STRN3: variants seen among roughly 807,000 people sequenced by gnomAD.
STRN3 encodes striatin-3.
STRN3 carries 29 observed loss-of-function variants against 95.6 expected under a neutral mutation model. The ratio of observed to expected loss-of-function variants is 0.30; its 90% confidence interval spans 0.23 to 0.41. STRN3 has a LOEUF of 0.41. Ranked by LOEUF, STRN3 falls within the 10% of genes least tolerant of loss-of-function variation. The pLI is 1.00. For missense variants in STRN3, 890 were observed against 972.1 expected, an observed-to-expected ratio of 0.92 and a Z score of 1.12; for synonymous variants, 331 against 357.6, an observed-to-expected ratio of 0.93 and a Z score of 0.84.
intron 3 of STRN3, among the ~76,000 whole-genome samples, chr14:30,952,753 T>C (rs555344527): frequency 6.6e-6 from 1 of 152,320 alleles, no homozygotes; most frequent in East Asian, 1.9e-4. Context: ...GCATTTCTTT[T>C]ATTTCCAGAA....
intron 9 of STRN3, among the ~76,000 whole-genome samples, chr14:30,916,511 G>A (rs530106332): frequency 7.9e-5 from 12 of 152,146 alleles, no homozygotes; most frequent in South Asian, 4.1e-4. Context: ...TCCTGACCTC[G>A]TGATCCACCA....
intron 5 of STRN3, among the ~76,000 whole-genome samples, chr14:30,944,525 AC>A (rs1228845549): frequency 7.0e-6 from 1 of 143,110 alleles, no homozygotes; most frequent in Admixed American, 7.1e-5. Flanking sequence ...CATAATATAT[AC>A]ACATATATAT....
rs570445323 is a variant in STRN3, at chr14:30,909,074, GAATGTTTGA to G, written c.1720+1958_1720+1966del. Among the ~76,000 whole-genome samples the G allele has an allele frequency of 1.9e-3, 294 of 152,318 alleles. 2 individuals carry two copies. The highest frequency in any genetic ancestry group is 7.0e-3 in the African/African-American group (289 of 41,570). On this transcript the variant is annotated intron_variant, in intron 13 of 17. Transcript: ENST00000357479. ...CACATCAAACAGGACTGAATGTTCTGAATGTTTGAAATGTTCTGAAATTAGTGATGATGG... is the reference window on the plus strand; with the variant it reads ...CACATCAAACAGGACTGAATGTTCTGAATGTTCTGAAATTAGTGATGATGG...
chr14:30,919,809 T>G (rs1366544665), intron 8 of STRN3, among the ~76,000 whole-genome samples: 2 of 152,300 alleles, frequency 1.3e-5, no homozygotes, highest in South Asian at 2.1e-4. Context: ...GGCTGTTGCC[T>G]GGATAATTCA....
intron 16 of STRN3, among the ~76,000 whole-genome samples, chr14:30,902,171 C>CAAAAAAAAAAAAAA (rs71112350): frequency 7.5e-5 from 3 of 39,802 alleles, no homozygotes; most frequent in African/African-American, 1.0e-4. Context: ...AACTCCGCCT[C>CAAAAAAAAAAAAAA]AAAAAAAAAA....
intron 1 of STRN3, among the ~76,000 whole-genome samples, chr14:30,969,270 CT>C (rs1880704396): frequency 6.6e-6 from 1 of 152,062 alleles, no homozygotes; most frequent in Non-Finnish European, 1.5e-5. Context: ...ACCATCTCTA[CT>C]AAAAATATAA....
chr14:30,973,906 A>AT (rs1880960759), intron 1 of STRN3, among the ~76,000 whole-genome samples: 1 of 152,244 alleles, frequency 6.6e-6, no homozygotes, highest in Admixed American at 6.5e-5. Flanking sequence ...ACTGGACAGA[A>AT]TTCAACACCC....
At chr14:30,985,735 T>C (rs1159290894) in intron 1 of STRN3, among the ~76,000 whole-genome samples, 7 of 152,236 alleles carry the variant, frequency 4.6e-5, no homozygotes, top group Admixed American at 4.6e-4. Flanking sequence ...GTTTGACTTA[T>C]GTTTATAGTT....
chr14:30,895,459 T>C lies in STRN3; in HGVS notation c.2346A>G (p.Ala782=). 1.2e-6 allele frequency: 2 copies of C among 1,613,972 alleles called. No individual in the cohort carries two copies. Among genetic ancestry groups the C allele is most frequent in the Non-Finnish European group, 1.7e-6 (2 of 1,179,958 alleles). The part of the protein sequence containing the change: ...IYDVAFHSSK[A]YIASAGADAL... ...CATCAGCTCCTGCACTAGCTATATA[T>C]GCTTTTGACGAGTGGAAAGCAACAT... The change falls in exon 18 of 18, where the codon GCA becomes GCG. Residue 782 remains alanine, a synonymous_variant. Transcript: ENST00000357479.
At chr14:31,003,714 T>C (rs964073842) in intron 1 of STRN3, among the ~76,000 whole-genome samples, 1 of 151,822 alleles carries the variant, frequency 6.6e-6, no homozygotes, top group Non-Finnish European at 1.5e-5. Context: ...AAAACCTTTT[T>C]TCTTTGTAAG....
chr14:31,009,644 T>C (rs1293166165), intron 1 of STRN3, among the ~76,000 whole-genome samples: 1 of 151,092 alleles, frequency 6.6e-6, no homozygotes, highest in Non-Finnish European at 1.5e-5. Flanking sequence ...TTAATTTTCA[T>C]ATAAATGTAT....
chr14:30,911,969 T>C (rs776699710), intron 11 of STRN3, 38 bp downstream of exon 11: 6 of 1,586,956 alleles, frequency 3.8e-6, no homozygotes, highest in South Asian at 2.3e-5. Context: ...ATTAGCAAAA[T>C]TGGAAGAAAT....
At position 30,895,732 on chromosome 14, in the gene STRN3, A is replaced by G. The variant is rs546189069; in HGVS notation, c.2154T>C (p.Ser718=). The G allele has an allele frequency of 1.2e-6, 2 of 1,613,092 alleles. No individual in the cohort carries two copies. Among genetic ancestry groups the G allele is most frequent in the South Asian group, 1.1e-5 (1 of 90,684 alleles). Reference sequence around the variant, plus strand: ...TAACAGCATCCAAGTGAGCTACCATAGAATGGATCATTTTACCTAAACAAA... The same window carrying G: ...TAACAGCATCCAAGTGAGCTACCATGGAATGGATCATTTTACCTAAACAAA... ...FDNKTGKMIH[S]MVAHLDAVTS... The change falls in exon 17 of 18, where the codon TCT becomes TCC. Residue 718 remains serine (S), a synonymous_variant. Transcript: ENST00000357479.
At chr14:30,903,557 C>A (rs1594412889) in intron 15 of STRN3, among the ~76,000 whole-genome samples, 1 of 152,066 alleles carries the variant, frequency 6.6e-6, no homozygotes, top group Non-Finnish European at 1.5e-5. Context: ...CATCACCATG[C>A]CCACCTAATT....
At chr14:30,999,234 T>TG (rs34912840) in intron 1 of STRN3, among the ~76,000 whole-genome samples, 5,063 of 152,094 alleles carry the variant, frequency 0.033, 295 homozygotes, top group African/African-American at 0.12. Context: ...TTTGTGGAGA[T>TG]GGGGGGTCTC....
chr14:30,894,906 TTTA>T lies in STRN3; in HGVS notation c.*502_*504del. The T allele has an allele frequency of 9.2e-7, 1 of 1,081,478 alleles. No individual in the cohort carries two copies. The highest frequency in any genetic ancestry group is 1.2e-6 in the Non-Finnish European group (1 of 840,784). The allele number at this position is 1,081,478 out of a possible 1,614,324, so 67.0% of individuals were successfully genotyped here. The stretch of plus-strand genomic sequence containing the variant: ...AATTTTCTTTTTCTTTTTTTTTTTT[TTTA>T]AAGCAAAATAAGTTTAAAAGGGAAT... On this transcript the variant is annotated 3_prime_UTR_variant, in exon 18 of 18. Coordinates refer to ENST00000357479, the MANE Select transcript of STRN3 (RefSeq NM_001083893.2).
intron 13 of STRN3, among the ~76,000 whole-genome samples, chr14:30,910,569 CCTTT>C (rs1394430999): frequency 2.6e-5 from 4 of 151,376 alleles, no homozygotes; most frequent in Non-Finnish European, 5.9e-5. Flanking sequence ...AAGGAGGTTT[CCTTT>C]CTTTTTTTTT....
intron 5 of STRN3, among the ~76,000 whole-genome samples, chr14:30,939,086 G>A (rs1878966614): frequency 6.6e-6 from 1 of 152,154 alleles, no homozygotes; most frequent in Non-Finnish European, 1.5e-5. Context: ...CCACAAGGGT[G>A]GCAAGGAGGT....
intron 1 of STRN3, among the ~76,000 whole-genome samples, chr14:31,002,675 T>C (rs1028488500): frequency 6.7e-5 from 10 of 148,644 alleles, no homozygotes; most frequent in East Asian, 2.0e-4. Context: ...TTCTGAAACA[T>C]AGTAGCTAAA....
Sources: gnomAD v4.1 joint callset for allele counts (sites outside exome capture counted in the v4.1 genomes callset) on GRCh38, gnomAD v4.1.1 for gene constraint, MANE v1.5 for transcripts, NCBI Gene and HGNC (gene_info 2026-07-23, HGNC 2026-07-21) for gene names.